The following TNKS variants were observed in gnomAD, a reference collection of about 807,000 sequenced individuals.
The protein encoded by TNKS is poly [ADP-ribose] polymerase tankyrase-1.
Under a neutral mutation model 135.8 loss-of-function variants are expected in TNKS, and 72 were observed. That is an observed-to-expected ratio of 0.53 (90% confidence interval 0.44 to 0.64). The LOEUF is 0.64. Among genes scored for constraint, TNKS ranks in the 30% least tolerant of loss-of-function variants. TNKS has a pLI of 0.00. For missense variants in TNKS, 1,769 were observed against 1,674.0 expected (o/e 1.06, Z -0.99); for synonymous variants, 849 against 649.3 (o/e 1.31, Z -4.68).
At chr8:9,659,216 C>T (rs566374704) in intron 3 of TNKS, among the ~76,000 whole-genome samples, 10 of 152,082 alleles carry the variant, frequency 6.6e-5, no homozygotes, top group East Asian at 1.9e-4. Flanking sequence ...AGTTGAACTC[C>T]GCTCTGCACC....
chr8:9,773,062 A>G (rs1252415748), intron 26 of TNKS, among the ~76,000 whole-genome samples: 1 of 151,758 alleles, frequency 6.6e-6, no homozygotes, highest in African/African-American at 2.4e-5. Flanking sequence ...AAAGGAAGGA[A>G]TAAATTTGTC....
At chr8:9,659,998 A>G (rs765840510) in intron 3 of TNKS, among the ~76,000 whole-genome samples, 46 of 152,368 alleles carry the variant, frequency 3.0e-4, no homozygotes, top group Admixed American at 5.9e-4. Context: ...AGAAATGGAT[A>G]AATTCCTCGA....
intron 5 of TNKS, among the ~76,000 whole-genome samples, chr8:9,696,498 T>C (rs550225541): frequency 6.6e-6 from 1 of 151,888 alleles, no homozygotes; most frequent in Non-Finnish European, 1.5e-5. Flanking sequence ...AAAAAACAAG[T>C]CAAACTACCT....
intron 4 of TNKS, 95 bp downstream of exon 4, chr8:9,680,082 C>G (rs1167557280): frequency 1.1e-6 from 1 of 887,094 alleles, no homozygotes; most frequent in Non-Finnish European, 1.9e-6. Context: ...ACGTTATTGT[C>G]TTGCTTGGAT....
intron 3 of TNKS, among the ~76,000 whole-genome samples, chr8:9,629,129 G>A (rs1800182739): frequency 6.6e-6 from 1 of 152,182 alleles, no homozygotes; most frequent in African/African-American, 2.4e-5. Flanking sequence ...TCAATGACCT[G>A]TTTGTTTCTG....
intron 11 of TNKS, among the ~76,000 whole-genome samples, chr8:9,712,618 C>A (rs1804393528): frequency 6.6e-6 from 1 of 151,994 alleles, no homozygotes; most frequent in Non-Finnish European, 1.5e-5. Flanking sequence ...TGGACAGGTA[C>A]CATAGCCTAT....
At chr8:9,695,377 T>C (rs931015453) in intron 5 of TNKS, among the ~76,000 whole-genome samples, 4 of 152,226 alleles carry the variant, frequency 2.6e-5, no homozygotes, top group Non-Finnish European at 4.4e-5. Flanking sequence ...GTTACTTTAA[T>C]TCTCAGTGGT....
At chr8:9,694,844 C>G (rs1338974110) in intron 5 of TNKS, among the ~76,000 whole-genome samples, 1 of 151,316 alleles carries the variant, frequency 6.6e-6, no homozygotes. Context: ...ATTTTGGAAT[C>G]TCATTTAAAA....
intron 3 of TNKS, among the ~76,000 whole-genome samples, chr8:9,678,507 T>A (rs1802643076): frequency 6.6e-6 from 1 of 152,244 alleles, no homozygotes; most frequent in Admixed American, 6.5e-5. Context: ...CTTAAACTTA[T>A]AACTTTATTG....
In TNKS at chr8:9,628,725, TAGCTC is replaced by T. The variant is rs1800164571; in HGVS notation, c.994+13049_994+13053del. On this transcript the variant is annotated intron_variant, in intron 3 of 26. Transcript: ENST00000310430. The stretch of plus-strand genomic sequence containing the variant: ...TTCAGACCTCCTACCTTCCAGTTTA[TAGCTC>T]TAGTGTTGCTCTGCCCTCTTCAGAG... Among the ~76,000 whole-genome samples, 4 of 152,198 alleles carry T rather than the reference TAGCTC, an allele frequency of 2.6e-5. 1 individual carries two copies. In the South Asian group the frequency reaches 8.3e-4, roughly 31 times the overall value.
chr8:9,761,449 T>A, intron 20 of TNKS, 67 bp from the exon 21 acceptor site: 1 of 1,540,036 alleles, frequency 6.5e-7, no homozygotes. Context: ...TTGAAGGCAA[T>A]TGGAAAAGCT....
At chr8:9,733,911 T>C (rs1805565962) in intron 15 of TNKS, among the ~76,000 whole-genome samples, 1 of 152,184 alleles carries the variant, frequency 6.6e-6, no homozygotes, top group Non-Finnish European at 1.5e-5. Context: ...CTAAAGTTGT[T>C]CATATAGATT....
In TNKS at chr8:9,596,432, T is replaced by C. The variant is rs977670798; in HGVS notation, c.898+16049T>C. On this transcript the variant is annotated intron_variant, in intron 2 of 26. Transcript: ENST00000310430. ...CTATTAAGTATAATAATTGTATTTA[T>C]AGGCTTTACATTTGTACTTTACTTT... 2.6e-5 allele frequency among the ~76,000 whole-genome samples: 4 copies of C among 152,236 alleles called. 1 individual carries two copies. The highest frequency in any genetic ancestry group is 9.6e-5 in the African/African-American group (4 of 41,464).
chr8:9,715,557 C>T (rs1305871075), intron 11 of TNKS, among the ~76,000 whole-genome samples: 1 of 152,050 alleles, frequency 6.6e-6, no homozygotes, highest in Non-Finnish European at 1.5e-5. Flanking sequence ...CCTCCCAGTG[C>T]CCGTGACCAA....
intron 21 of TNKS, among the ~76,000 whole-genome samples, chr8:9,762,053 A>G (rs1187333895): frequency 1.3e-5 from 2 of 152,128 alleles, no homozygotes. Context: ...CATTGCTTAA[A>G]CCCCTGTAAT....
chr8:9,640,348 A>T lies in TNKS; in HGVS notation c.994+24671A>T, dbSNP rs189578581. On this transcript the variant is annotated intron_variant, in intron 3 of 26. Transcript: ENST00000310430. ...CATTCATGAGAGCGGAGCCCTCATG[A>T]CCTAATCACCTCTTAAAGTTCCTCC... Among the ~76,000 whole-genome samples, 195 of 150,200 alleles carry T rather than the reference A, an allele frequency of 1.3e-3. 6 individuals are homozygous for T. In the South Asian group the frequency reaches 0.014, roughly 10 times the overall value.
intron 3 of TNKS, among the ~76,000 whole-genome samples, chr8:9,617,556 G>A (rs1279076741): frequency 6.6e-6 from 1 of 152,150 alleles, no homozygotes; most frequent in Non-Finnish European, 1.5e-5. Flanking sequence ...GCTATATAAT[G>A]CAGTGAAATA....
chr8:9,710,801 C>T (rs1184079477), intron 11 of TNKS, among the ~76,000 whole-genome samples: 1 of 151,976 alleles, frequency 6.6e-6, no homozygotes, highest in African/African-American at 2.4e-5. Flanking sequence ...GAGGCTGAGG[C>T]AGGAGAATGG....
At chr8:9,770,033 A>T (rs1807727355) in intron 25 of TNKS, 73 bp from the exon 26 acceptor site, 2 of 1,355,312 alleles carry the variant, frequency 1.5e-6, no homozygotes, top group African/African-American at 2.9e-5. Flanking sequence ...TTAAAAAATT[A>T]ATAGATCTAG....
Sources: gnomAD v4.1 joint callset for allele counts (sites outside exome capture counted in the v4.1 genomes callset) on GRCh38, gnomAD v4.1.1 for gene constraint, MANE v1.5 for transcripts, NCBI Gene and HGNC (gene_info 2026-07-23, HGNC 2026-07-21) for gene names.